GRID2: variants seen among roughly 807,000 people sequenced by gnomAD.
The protein encoded by GRID2 is glutamate ionotropic receptor delta type subunit 2, also known as glutamate receptor ionotropic, delta-2.
GRID2 carries 33 observed loss-of-function variants against 114.8 expected under a neutral mutation model. That is an observed-to-expected ratio of 0.29 (90% CI 0.22 to 0.38). The LOEUF (loss-of-function observed/expected upper bound fraction) is 0.38. GRID2 is among the 10% of genes least tolerant of loss of function. The pLI is 1.00. For missense variants in GRID2, 1,184 were observed against 1,257.7 expected, an observed-to-expected ratio of 0.94 and a Z score of 0.89; for synonymous variants, 505 against 449.9, an observed-to-expected ratio of 1.12 and a Z score of -1.55.
chr4:92,988,816 T>C (rs558733139), intron 2 of GRID2, among the ~76,000 whole-genome samples: 1 of 152,266 alleles, frequency 6.6e-6, no homozygotes, highest in East Asian at 1.9e-4. Context: ...GGAAAACATG[T>C]GGTGTGTTAT....
intron 2 of GRID2, among the ~76,000 whole-genome samples, chr4:92,812,396 G>A (rs568110730): frequency 2.0e-5 from 3 of 152,026 alleles, no homozygotes; most frequent in African/African-American, 7.2e-5. Context: ...ATGGGAGGAG[G>A]GTGTTTTTGG....
At chr4:92,676,289 C>G (rs1312633458) in intron 2 of GRID2, among the ~76,000 whole-genome samples, 1 of 150,680 alleles carries the variant, frequency 6.6e-6, no homozygotes, top group Non-Finnish European at 1.5e-5. Flanking sequence ...ATGCCCTTCT[C>G]CTGCCTCAGC....
chr4:93,551,464 G>A (rs1315134455), intron 13 of GRID2, among the ~76,000 whole-genome samples: 2 of 151,672 alleles, frequency 1.3e-5, no homozygotes, highest in East Asian at 1.9e-4. Context: ...GATGAGCTTG[G>A]CAGAGATAGT....
intron 8 of GRID2, among the ~76,000 whole-genome samples, chr4:93,282,933 C>T (rs1227746095): frequency 6.6e-6 from 1 of 151,956 alleles, no homozygotes; most frequent in Non-Finnish European, 1.5e-5. Flanking sequence ...AATCATCCAG[C>T]TCTCACATGA....
intron 2 of GRID2, among the ~76,000 whole-genome samples, chr4:92,893,457 C>A (rs1746939926): frequency 6.6e-6 from 1 of 152,138 alleles, no homozygotes; most frequent in Non-Finnish European, 1.5e-5. Flanking sequence ...GGCTCTGACC[C>A]TTTCTAGTTA....
chr4:92,433,941 C>G (rs1318175062), intron 1 of GRID2, among the ~76,000 whole-genome samples: 1 of 152,058 alleles, frequency 6.6e-6, no homozygotes, highest in African/African-American at 2.4e-5. Context: ...AAAGAAGAAC[C>G]TAGAATGAGG....
intron 1 of GRID2, among the ~76,000 whole-genome samples, chr4:92,530,349 G>T (rs1725273957): frequency 6.6e-6 from 1 of 151,834 alleles, no homozygotes; most frequent in African/African-American, 2.4e-5. Flanking sequence ...CTTGTTGTGT[G>T]ATGCAATAGG....
At chr4:92,742,868 G>C (rs1219606370) in intron 2 of GRID2, among the ~76,000 whole-genome samples, 5 of 152,184 alleles carry the variant, frequency 3.3e-5, no homozygotes, top group Admixed American at 6.5e-5. Flanking sequence ...TAAGACCCTA[G>C]TTGTGTCACA....
chr4:92,309,271 C>T lies in GRID2; in HGVS notation c.88+4527C>T, dbSNP rs1021350910. 5.9e-5 allele frequency among the ~76,000 whole-genome samples: 9 copies of T among 152,022 alleles called. No homozygotes were observed. The South Asian group carries it at 1.0e-3, about 18-fold the overall frequency. ...GTAATTTTATCTTAAAGGGCCATTGCAATTTCAAAAGCACACTTTTTAATC... is the reference window on the plus strand; with the variant it reads ...GTAATTTTATCTTAAAGGGCCATTGTAATTTCAAAAGCACACTTTTTAATC... On this transcript the variant is annotated intron_variant, in intron 1 of 15. Coordinates refer to ENST00000282020, the MANE Select transcript of GRID2 (RefSeq NM_001510.4).
At chr4:92,927,150 G>C (rs1166756490) in intron 2 of GRID2, among the ~76,000 whole-genome samples, 2 of 151,762 alleles carry the variant, frequency 1.3e-5, no homozygotes, top group African/African-American at 2.4e-5. Flanking sequence ...GTTGATTATA[G>C]CTCATATTCC....
chr4:93,443,956 C>T (rs139366570), intron 10 of GRID2, among the ~76,000 whole-genome samples: 1 of 151,328 alleles, frequency 6.6e-6, no homozygotes, highest in African/African-American at 2.4e-5. Context: ...TGACTGTGGG[C>T]AAAGCAATGT....
intron 2 of GRID2, among the ~76,000 whole-genome samples, chr4:92,915,592 G>T (rs1191522286): frequency 6.6e-6 from 1 of 152,118 alleles, no homozygotes. Flanking sequence ...AAATGGGATT[G>T]CTGGGCCAAA....
chr4:93,361,321 T>C (rs1239234955), intron 8 of GRID2, among the ~76,000 whole-genome samples: 1 of 152,098 alleles, frequency 6.6e-6, no homozygotes, highest in Non-Finnish European at 1.5e-5. Flanking sequence ...TTTTGGCAAC[T>C]ATAGTCTGTT....
intron 1 of GRID2, among the ~76,000 whole-genome samples, chr4:93,797,493 T>G (rs1734826596): frequency 6.6e-6 from 1 of 152,116 alleles, no homozygotes; most frequent in Non-Finnish European, 1.5e-5. Flanking sequence ...CAGAGGAAGG[T>G]GCCTGCAAAT....
intron 2 of GRID2, among the ~76,000 whole-genome samples, chr4:92,676,103 GTTTGAATCAGTA>G (rs1481655862): frequency 8.8e-6 from 1 of 114,016 alleles, no homozygotes; most frequent in Non-Finnish European, 1.8e-5. Flanking sequence ...ATAGTTTTTT[GTTTGAATCAGTA>G]TTTAAATCAG....
At chr4:93,495,450 C>T (rs1281030174) in intron 12 of GRID2, among the ~76,000 whole-genome samples, 1 of 151,594 alleles carries the variant, frequency 6.6e-6, no homozygotes, top group Non-Finnish European at 1.5e-5. Flanking sequence ...GGTACTAAAG[C>T]CTGGAGACAG....
intron 2 of GRID2, among the ~76,000 whole-genome samples, chr4:92,906,507 A>T (rs181696267): frequency 2.8e-4 from 41 of 145,898 alleles, no homozygotes; most frequent in Non-Finnish European, 2.4e-4. Flanking sequence ...TCTTTACTCT[A>T]GGAAACTTCA....
chr4:92,803,524 TA>T (rs776168894), intron 2 of GRID2, among the ~76,000 whole-genome samples: 24 of 152,074 alleles, frequency 1.6e-4, no homozygotes, highest in East Asian at 3.9e-4. Context: ...TATGTCATTA[TA>T]AAAAAATGTA....
chr4:93,686,586 G>T (rs1471289475), intron 14 of GRID2, among the ~76,000 whole-genome samples: 1 of 151,928 alleles, frequency 6.6e-6, no homozygotes, highest in Admixed American at 6.6e-5. Context: ...AAAATACAAG[G>T]TAGAAAGTTG....
Sources: gnomAD v4.1 joint callset for allele counts (sites outside exome capture counted in the v4.1 genomes callset) on GRCh38, gnomAD v4.1.1 for gene constraint, MANE v1.5 for transcripts, NCBI Gene and HGNC (gene_info 2026-07-23, HGNC 2026-07-21) for gene names.